STRA6: variants seen among roughly 807,000 people sequenced by gnomAD.
STRA6 encodes the protein receptor for retinol uptake STRA6.
A neutral mutation model predicts 83.6 loss-of-function variants in STRA6; 48 were observed. That is an observed-to-expected ratio of 0.57 (90% CI 0.46 to 0.73). The LOEUF is 0.73. Among genes scored for constraint, STRA6 ranks in the 30% least tolerant of loss-of-function variants. STRA6 has a pLI of 0.00. For missense variants in STRA6, 760 were observed against 838.8 expected (o/e 0.91, Z 1.16); for synonymous variants, 353 against 362.3 (o/e 0.97, Z 0.29).
exon 1 of STRA6, chr15:74,208,911 C>A: frequency 2.0e-6 from 2 of 990,688 alleles, no homozygotes; most frequent in South Asian, 9.2e-5. Context: ...CAACACGGGG[C>A]CTTCTCCTCT....
chr15:74,180,201 G>A lies in STRA6; in HGVS notation c.1883C>T (p.Ala628Val), dbSNP rs751510970. Residue 628 changes from alanine (A) to valine (V), a missense_variant, in exon 19 of 19, where the codon GCT becomes GTT. By Grantham distance (64) the Ala-to-Val change is moderately conservative. Transcript: ENST00000395105. ...LQTKDSMAKGARPGASRGRAR... is the reference protein window; with the variant it reads ...LQTKDSMAKGVRPGASRGRAR... The stretch of plus-strand genomic sequence containing the variant: ...CCTGCCGCGGCTGGCCCCGGGCCTA[G>A]CTCCCTTGGCCATGGAGTCCTTTGT... 3 of 1,614,108 alleles carry A rather than the reference G, an allele frequency of 1.9e-6. No individual in the cohort carries two copies. The highest frequency in any genetic ancestry group is 2.5e-6 in the Non-Finnish European group (3 of 1,180,028).
chr15:74,198,866 G>C (rs1419640318), intron 2 of STRA6, among the ~76,000 whole-genome samples: 1 of 152,216 alleles, frequency 6.6e-6, no homozygotes, highest in Non-Finnish European at 1.5e-5. Flanking sequence ...CCACAGTGGA[G>C]ATAGGGGTCA....
Position 74,197,316 on chromosome 15 carries a change from G to T in STRA6, c.266+22C>A. ...TGTCAGCTGGGTCCCCTGAGTGGGG[G>T]TGCCCAGGCCATGGTACAAACCTGG... On this transcript the variant is annotated intron_variant, in intron 4 of 18. Coordinates refer to ENST00000395105, the MANE Select transcript of STRA6 (RefSeq NM_022369.4). The T allele has an allele frequency of 3.2e-6, 5 of 1,539,824 alleles. 1 individual carries two copies. The South Asian group carries it at 4.8e-5, about 15-fold the overall frequency.
intron 1 of STRA6, among the ~76,000 whole-genome samples, chr15:74,208,573 T>G (rs532342552): frequency 1.3e-5 from 2 of 152,096 alleles, no homozygotes; most frequent in African/African-American, 4.8e-5. Context: ...TCTGCGAATG[T>G]CTCCTGCCTT....
chr15:74,195,596 C>T, intron 6 of STRA6, 56 bp downstream of exon 6: 1 of 1,555,756 alleles, frequency 6.4e-7, no homozygotes, highest in Non-Finnish European at 8.7e-7. Flanking sequence ...GGCAAGAACA[C>T]TAGGTTCAAA....
intron 13 of STRA6, among the ~76,000 whole-genome samples, chr15:74,184,692 C>T (rs2073155906): frequency 6.6e-6 from 1 of 152,224 alleles, no homozygotes; most frequent in African/African-American, 2.4e-5. Flanking sequence ...TCATCCAGCC[C>T]ACCCGGTGGC....
Position 74,181,328 on chromosome 15 carries a change from G to C in STRA6, c.1651C>G (p.Leu551Val). Reference protein sequence around the residue: ...AIHLGQMDLSLLPPRAATLDP... With the variant: ...AIHLGQMDLSVLPPRAATLDP... ...AGAGTGGCGGCTCTCGGTGGCAGCA[G>C]GCTGAGGTCCATCTGGCCAAGGTGG... Residue 551 changes from leucine (L) to valine (V), a missense_variant, in exon 17 of 19, where the codon CTG becomes GTG. Physicochemically the swap from Leu to Val is conservative, Grantham distance 32 (BLOSUM62 1). Transcript: ENST00000395105. The C allele has an allele frequency of 1.2e-6, 2 of 1,612,910 alleles. No individual in the cohort carries two copies. Among genetic ancestry groups the C allele is most frequent in the Non-Finnish European group, 1.7e-6 (2 of 1,179,800 alleles).
upstream of STRA6, among the ~76,000 whole-genome samples, chr15:74,203,952 G>C (rs11630924): frequency 0.14 from 21,075 of 152,206 alleles, 2,028 homozygotes; most frequent in Non-Finnish European, 0.21. Context: ...GAAACAGCAC[G>C]GGTGAAGTCT....
At chr15:74,201,219 A>G (rs1409305677) in intron 2 of STRA6, among the ~76,000 whole-genome samples, 1 of 152,174 alleles carries the variant, frequency 6.6e-6, no homozygotes, top group Non-Finnish European at 1.5e-5. Context: ...CCGCAGCCCC[A>G]GCCCCTGGGG....
chr15:74,205,416 T>C (rs1037847938), upstream of STRA6, among the ~76,000 whole-genome samples: 3 of 152,064 alleles, frequency 2.0e-5, no homozygotes, highest in Non-Finnish European at 4.4e-5. Flanking sequence ...GGCAGGACAC[T>C]TGGCAAGAGA....
At chr15:74,185,870 A>G (rs1429123920) in intron 12 of STRA6, among the ~76,000 whole-genome samples, 1 of 152,248 alleles carries the variant, frequency 6.6e-6, no homozygotes, top group Non-Finnish European at 1.5e-5. Context: ...GAGGTGTGTA[A>G]CCATTTCTAA....
rs377615681 is a variant in STRA6 at position 74,202,232 on chromosome 15, G to A, written c.36C>T (p.Pro12=). The A allele has an allele frequency of 1.6e-5, 25 of 1,537,140 alleles. No individual in the cohort carries two copies. The highest frequency in any genetic ancestry group is 1.1e-4 in the East Asian group (5 of 44,340). The change falls in exon 2 of 19, where the codon CCC becomes CCT. Residue 12 remains proline (P), a synonymous_variant. Coordinates refer to ENST00000395105, the MANE Select transcript of STRA6 (RefSeq NM_022369.4). The part of the protein sequence containing the change: ...SSQPAGNQTS[P]GATEDYSYGS... ...CATAGGAGTAGTCCTCTGTGGCCCC[G>A]GGGGAGGTCTGGTTCCCTGCTGGCT...
At chr15:74,180,366 C>A in intron 18 of STRA6, 123 bp from the exon 19 acceptor site, 1 of 1,227,894 alleles carries the variant, frequency 8.1e-7, no homozygotes, top group Admixed American at 1.8e-5. Context: ...CTTAGGATGT[C>A]CCCTGCAGGC....
intron 3 of STRA6, 154 bp downstream of exon 3, chr15:74,197,598 T>C: frequency 1.7e-6 from 2 of 1,190,024 alleles, no homozygotes; most frequent in Non-Finnish European, 1.2e-6. Context: ...ACTTGCATCC[T>C]GGTTTGGGCC....
intron 7 of STRA6, chr15:74,194,868 A>G (rs2073734677): frequency 7.4e-6 from 10 of 1,359,798 alleles, no homozygotes; most frequent in Middle Eastern, 2.7e-4. Context: ...GCCAGTGAGC[A>G]AGGTCCTGAG....
At chr15:74,203,168 G>T, upstream of STRA6, 2 of 985,500 alleles carry the variant, frequency 2.0e-6, no homozygotes, top group Non-Finnish European at 2.4e-6. Flanking sequence ...TCTTCTCCTA[G>T]GGTTTCCATG....
rs1306303234 is a variant in STRA6 at position 74,180,203 on chromosome 15, TCC to T, written c.1879_1880del (p.Gly627SerfsTer2). 1 of 1,614,076 alleles carries T rather than the reference TCC, an allele frequency of 6.2e-7. No individual in the cohort carries two copies. ...LLQTKDSMAKGARPGASRGRA... is the reference protein window; with the variant it reads ...LLQTKDSMAKXARPGASRGRA... ...TGCCGCGGCTGGCCCCGGGCCTAGC[TCC>T]CTTGGCCATGGAGTCCTTTGTCTGT... On this transcript the variant is annotated frameshift_variant, in exon 19 of 19. Coordinates refer to ENST00000395105, the MANE Select transcript of STRA6 (RefSeq NM_022369.4). LOFTEE classifies it low-confidence loss of function (END_TRUNC).
rs962342728 is a variant in STRA6, at chr15:74,207,824, C to T, written c.-16+976G>A. The T allele has an allele frequency of 8.1e-5, 124 of 1,534,846 alleles. No homozygotes were observed. In the Middle Eastern group the frequency reaches 1.4e-3, roughly 17 times the overall value. Reference sequence around the variant, plus strand: ...CTCACACACACATCCAACTGCCCTTCGCACACATACGTGCTTAATTCTGGC... The same window carrying T: ...CTCACACACACATCCAACTGCCCTTTGCACACATACGTGCTTAATTCTGGC... On this transcript the variant is annotated intron_variant, in intron 1 of 18. Transcript: ENST00000323940.
intron 7 of STRA6, chr15:74,194,421 G>T (rs2073711306): frequency 3.8e-6 from 4 of 1,046,202 alleles, no homozygotes; most frequent in East Asian, 7.7e-5. Flanking sequence ...TGAGAGCTTA[G>T]TATGTGCCAG....
Sources: allele counts gnomAD v4.1 joint callset (sites outside exome capture counted in the v4.1 genomes callset), GRCh38; gene constraint gnomAD v4.1.1; transcripts MANE v1.5; gene names NCBI Gene and HGNC (gene_info 2026-07-23, HGNC 2026-07-21).